The following FRMPD3 variants were observed in gnomAD, a reference collection of about 807,000 sequenced individuals.
The protein encoded by FRMPD3 is FERM and PDZ domain-containing protein 3.
In FRMPD3, 42 loss-of-function variants were observed where a neutral mutation model predicts 97.9. The ratio of observed to expected loss-of-function variants is 0.43; its 90% CI spans 0.34 to 0.55. The LOEUF is 0.55. FRMPD3 is among the 20% of genes least tolerant of loss of function. The pLI, the probability that FRMPD3 is intolerant of heterozygous loss-of-function variation, is 0.03. For synonymous variants in FRMPD3, 577 were observed against 581.1 expected (o/e 0.99, Z 0.10); for missense variants, 1,303 against 1,457.7 (o/e 0.89, Z 1.73).
chrX:107,488,332 G>T (rs1044059842), intron 1 of FRMPD3, among the ~76,000 whole-genome samples: 4 of 112,135 alleles, frequency 3.6e-5, no homozygotes, highest in African/African-American at 9.7e-5. Context: ...CATCACAGCC[G>T]CATGCTCTGC....
At chrX:107,566,852 T>A (rs1355803076) in intron 12 of FRMPD3, among the ~76,000 whole-genome samples, 1 of 112,021 alleles carries the variant, frequency 8.9e-6, no homozygotes, top group Admixed American at 9.5e-5. Context: ...AGGGGATCAG[T>A]GGGTGTTGTC....
At chrX:107,457,602 T>A (rs1346926699) in intron 1 of FRMPD3, among the ~76,000 whole-genome samples, 1 of 111,989 alleles carries the variant, frequency 8.9e-6, no homozygotes, top group Non-Finnish European at 1.9e-5. Context: ...ACACCCACTC[T>A]TCCACCCAAT....
intron 1 of FRMPD3, among the ~76,000 whole-genome samples, chrX:107,492,356 C>T (rs1921680386): frequency 9.0e-6 from 1 of 111,728 alleles, no homozygotes; most frequent in Admixed American, 9.5e-5. Flanking sequence ...GTACATTTCT[C>T]AGATGATGCA....
chrX:107,545,883 A>C (rs753612035), intron 5 of FRMPD3, 42 bp downstream of exon 5: 3 of 1,035,895 alleles, frequency 2.9e-6, no homozygotes, highest in East Asian at 6.1e-5. Context: ...CCCTGGCCAT[A>C]ATCTGCCTGG....
At chrX:107,487,325 A>G (rs16985199) in intron 1 of FRMPD3, among the ~76,000 whole-genome samples, 3,607 of 111,519 alleles carry the variant, frequency 0.032, 139 homozygotes, top group African/African-American at 0.11. Context: ...ATGCTTGGTA[A>G]GAATGAAAGA....
At chrX:107,452,610 A>C (rs1186817843) in intron 1 of FRMPD3, among the ~76,000 whole-genome samples, 2 of 111,578 alleles carry the variant, frequency 1.8e-5, no homozygotes, top group Non-Finnish European at 3.8e-5. Flanking sequence ...CCTCCAACAT[A>C]AGCTCGTGAT....
chrX:107,598,554 G>A (rs1039119460), intron 14 of FRMPD3, among the ~76,000 whole-genome samples: 2 of 112,089 alleles, frequency 1.8e-5, no homozygotes, highest in East Asian at 5.6e-4. Flanking sequence ...GGGACCAGGG[G>A]AGCCAAGGGC....
chrX:107,530,713 C>G (rs1323295563), intron 3 of FRMPD3, among the ~76,000 whole-genome samples: 5 of 111,089 alleles, frequency 4.5e-5, no homozygotes, highest in Non-Finnish European at 9.4e-5. Flanking sequence ...ACTGGCTTAG[C>G]ATCTCCAATG....
chrX:107,464,078 G>A (rs1470912307), intron 1 of FRMPD3, among the ~76,000 whole-genome samples: 3 of 111,494 alleles, frequency 2.7e-5, no homozygotes, highest in Non-Finnish European at 5.6e-5. Context: ...GTGGGTGGGA[G>A]GAAATGCAAA....
chrX:107,451,387 G>C (rs752532563), intron 1 of FRMPD3, among the ~76,000 whole-genome samples: 1 of 112,185 alleles, frequency 8.9e-6, no homozygotes, highest in Admixed American at 9.4e-5. Context: ...GCTGGAGACC[G>C]GGGTAAATGG....
chrX:107,538,831 G>T (rs1344779967), intron 4 of FRMPD3, among the ~76,000 whole-genome samples: 1 of 112,061 alleles, frequency 8.9e-6, no homozygotes, highest in Non-Finnish European at 1.9e-5. Context: ...GCTAATTTTT[G>T]CATTTTTAGT....
chrX:107,588,261 T>C (rs112234820), intron 13 of FRMPD3, among the ~76,000 whole-genome samples: 23 of 108,678 alleles, frequency 2.1e-4, no homozygotes, highest in Non-Finnish European at 4.2e-4. Flanking sequence ...TCTTCTTCTT[T>C]TTTTTTTTTT....
At chrX:107,568,686 A>G (rs1922720694) in intron 12 of FRMPD3, among the ~76,000 whole-genome samples, 2 of 108,716 alleles carry the variant, frequency 1.8e-5, no homozygotes, top group Non-Finnish European at 3.8e-5. Context: ...GTGAGCCGAG[A>G]TCATGCCACT....
At chrX:107,567,380 T>C (rs774592110) in intron 12 of FRMPD3, among the ~76,000 whole-genome samples, 1 of 112,284 alleles carries the variant, frequency 8.9e-6, no homozygotes, top group East Asian at 2.8e-4. Flanking sequence ...TGTTATTTTT[T>C]CAAAAGCAAA....
intron 9 of FRMPD3, 45 bp downstream of exon 9, chrX:107,560,438 G>A (rs773202460): frequency 1.8e-5 from 21 of 1,189,436 alleles, no homozygotes; most frequent in Middle Eastern, 2.7e-4. Context: ...GAATAGTTGC[G>A]TAGGGAAAAG....
chrX:107,526,761 C>T lies in FRMPD3; in HGVS notation c.148+25C>T, dbSNP rs775076735. On this transcript the variant is annotated intron_variant, in intron 2 of 14. Transcript: ENST00000683843. ...GGTAGGTGTCCCTCAGAGTGTTCCC[C>T]TAGCCCTGACTCCTGTCTCCCAACA... 7 of 1,140,796 alleles carry T rather than the reference C, an allele frequency of 6.1e-6. No individual in the cohort carries two copies. In the African/African-American group the frequency reaches 1.3e-4, roughly 21 times the overall value. The allele number at this position is 1,140,796 out of a possible 1,213,427, so 94.0% of individuals were successfully genotyped here. A position where few individuals can be genotyped will look rare whatever the true frequency, so the allele number is the denominator to read the frequency against.
chrX:107,457,398 C>T (rs1300046302), intron 1 of FRMPD3, among the ~76,000 whole-genome samples: 1 of 111,641 alleles, frequency 9.0e-6, no homozygotes, highest in Non-Finnish European at 1.9e-5. Flanking sequence ...ATATACAATT[C>T]TGGATAGAGA....
At chrX:107,460,585 T>C (rs1228055935) in intron 1 of FRMPD3, among the ~76,000 whole-genome samples, 1 of 111,062 alleles carries the variant, frequency 9.0e-6, no homozygotes, top group Admixed American at 9.5e-5. Context: ...AGATATGAGC[T>C]CTCACTATGT....
intron 1 of FRMPD3, among the ~76,000 whole-genome samples, chrX:107,467,037 A>G (rs1422723078): frequency 9.3e-6 from 1 of 107,921 alleles, no homozygotes; most frequent in Non-Finnish European, 1.9e-5. Flanking sequence ...AGAGAGAGAG[A>G]GAGAAAGAGA....
Sources: gnomAD v4.1 joint callset for allele counts (sites outside exome capture counted in the v4.1 genomes callset) on GRCh38, gnomAD v4.1.1 for gene constraint, MANE v1.5 for transcripts, NCBI Gene and HGNC (gene_info 2026-07-23, HGNC 2026-07-21) for gene names.